MSI2: variants seen among roughly 807,000 people sequenced by gnomAD.
MSI2 encodes musashi RNA binding protein 2.
In MSI2, 17 loss-of-function variants were observed where a neutral mutation model predicts 45.6. The observed-to-expected ratio is 0.37, with a 90% CI of 0.26 to 0.56. The LOEUF (loss-of-function observed/expected upper bound fraction) is 0.56. Among genes scored for constraint, MSI2 ranks in the 20% least tolerant of loss-of-function variants. The pLI, the probability that MSI2 is intolerant of heterozygous loss-of-function variation, is 0.77. For synonymous variants in MSI2, 156 were observed against 158.2 expected (o/e 0.99, Z 0.11); for missense variants, 293 against 444.2 (o/e 0.66, Z 3.06).
At chr17:57,405,883 G>A (rs967296933) in intron 6 of MSI2, among the ~76,000 whole-genome samples, 7 of 152,182 alleles carry the variant, frequency 4.6e-5, no homozygotes, top group Admixed American at 3.3e-4. Flanking sequence ...GAGATGGTTG[G>A]CAGATCTATT....
At chr17:57,395,072 C>T (rs949180441) in intron 5 of MSI2, among the ~76,000 whole-genome samples, 5 of 152,268 alleles carry the variant, frequency 3.3e-5, no homozygotes, top group South Asian at 2.1e-4. Flanking sequence ...GGTGGTTGCC[C>T]GCAATTCTTG....
intron 6 of MSI2, among the ~76,000 whole-genome samples, chr17:57,430,150 G>A (rs1476544860): frequency 6.6e-6 from 1 of 152,150 alleles, no homozygotes; most frequent in East Asian, 1.9e-4. Context: ...GTGACCATGA[G>A]TACTAGTACA....
chr17:57,368,648 T>C (rs1015754976), intron 5 of MSI2, among the ~76,000 whole-genome samples: 4 of 152,188 alleles, frequency 2.6e-5, no homozygotes, highest in Admixed American at 2.6e-4. Context: ...GTGGTCCTCA[T>C]GTTTTAAGAG....
intron 8 of MSI2, among the ~76,000 whole-genome samples, chr17:57,598,865 G>A (rs1415969812): frequency 6.6e-6 from 1 of 152,176 alleles, no homozygotes; most frequent in African/African-American, 2.4e-5. Context: ...GTTTCACCAT[G>A]TTGGCCAGGC....
intron 6 of MSI2, among the ~76,000 whole-genome samples, chr17:57,525,485 G>T (rs1419763212): frequency 6.6e-6 from 1 of 152,112 alleles, no homozygotes; most frequent in Non-Finnish European, 1.5e-5. Flanking sequence ...ATGAGGTCTT[G>T]CTATGTTGCC....
intron 6 of MSI2, among the ~76,000 whole-genome samples, chr17:57,501,144 A>G (rs537723569): frequency 1.5e-4 from 23 of 152,260 alleles, no homozygotes; most frequent in African/African-American, 5.5e-4. Context: ...CTCACCCAAG[A>G]TCGCCGTGTG....
chr17:57,270,314 C>G (rs1232636724), intron 5 of MSI2, among the ~76,000 whole-genome samples: 1 of 152,176 alleles, frequency 6.6e-6, no homozygotes, highest in African/African-American at 2.4e-5. Context: ...AGAGGGCAGA[C>G]AGCTTTCTAG....
rs33915774 is a variant in MSI2, at chr17:57,647,274, CAAAAAAAAAAAA to C, written c.728-4810_728-4799del. ...TGAAATCTCGACTCTACTAAAAATA[CAAAAAAAAAAAA>C]AAAAAAAAAAAAAATAGCCAGGAGT... On this transcript the variant is annotated intron_variant, in intron 10 of 13. Coordinates refer to ENST00000284073, the MANE Select transcript of MSI2 (RefSeq NM_138962.4). 5.3e-4 allele frequency among the ~76,000 whole-genome samples: 20 copies of C among 37,674 alleles called. No homozygotes were observed. The South Asian group carries it at 5.6e-3, about 11-fold the overall frequency. The allele number at this position is 37,674 out of a possible 152,430, so 24.7% of individuals were successfully genotyped here. A position where few individuals can be genotyped will look rare whatever the true frequency, so the allele number is the denominator to read the frequency against.
rs2084105678 is a variant in MSI2, at chr17:57,407,465, T to C, written c.405+5994T>C. 6.6e-6 allele frequency among the ~76,000 whole-genome samples: 1 copy of C among 152,230 alleles called. No individual in the cohort carries two copies. Among genetic ancestry groups the C allele is most frequent in the Non-Finnish European group, 1.5e-5 (1 of 68,038 alleles). On this transcript the variant is annotated intron_variant, in intron 6 of 13. Transcript: ENST00000284073. This position sits in a 1 kb window ranked among gnomAD's most constrained non-coding sequence, Gnocchi z 4.1. Reference sequence around the variant, plus strand: ...ACTGTGATCCTCAGGTAGTGTTTTCTTGCTTTAAATGTGTGTCGTAGATAA... The same window carrying C: ...ACTGTGATCCTCAGGTAGTGTTTTCCTGCTTTAAATGTGTGTCGTAGATAA...
chr17:57,506,443 C>T (rs1168936730), intron 6 of MSI2, among the ~76,000 whole-genome samples: 1 of 152,222 alleles, frequency 6.6e-6, no homozygotes, highest in African/African-American at 2.4e-5. Context: ...TAGCCTCTTT[C>T]ATTTTCCAGA....
chr17:57,573,785 A>G (rs1478206482), intron 7 of MSI2, among the ~76,000 whole-genome samples: 1 of 152,200 alleles, frequency 6.6e-6, no homozygotes, highest in East Asian at 1.9e-4. Flanking sequence ...ATCCCAGCTC[A>G]GCGACTCCCT....
intron 6 of MSI2, among the ~76,000 whole-genome samples, chr17:57,447,756 G>A (rs1158997345): frequency 1.3e-5 from 2 of 152,078 alleles, no homozygotes; most frequent in Admixed American, 1.3e-4. Context: ...CCACCTGCTT[G>A]GCTTCTGGAA....
chr17:57,263,077 G>C (rs1280736631), intron 5 of MSI2, among the ~76,000 whole-genome samples: 1 of 152,214 alleles, frequency 6.6e-6, no homozygotes, highest in African/African-American at 2.4e-5. Context: ...AGTCGGAAAA[G>C]GTTGTGGCTT....
At chr17:57,676,577 T>G (rs1485546753) in intron 12 of MSI2, among the ~76,000 whole-genome samples, 4 of 152,270 alleles carry the variant, frequency 2.6e-5, no homozygotes, top group African/African-American at 9.6e-5. Context: ...GATGTTTTTC[T>G]GAAATAACCA....
At position 57,258,366 on chromosome 17, in the gene MSI2, T is replaced by G; in HGVS notation, c.270+12T>G. 1 of 1,609,072 alleles carries G rather than the reference T, an allele frequency of 6.2e-7. No homozygotes were observed. The highest frequency in any genetic ancestry group is 8.5e-7 in the Non-Finnish European group (1 of 1,175,372). ...TAGATTCCAAGACGGTAGGTTGCTT[T>G]TTGTTGTTGTTGTTCGCCCCTTTTC... On this transcript the variant is annotated intron_variant, in intron 4 of 13. Coordinates refer to ENST00000284073, the MANE Select transcript of MSI2 (RefSeq NM_138962.4).
intron 10 of MSI2, among the ~76,000 whole-genome samples, chr17:57,636,879 A>G (rs1431112312): frequency 6.6e-6 from 1 of 152,192 alleles, no homozygotes; most frequent in Non-Finnish European, 1.5e-5. Context: ...TTGAAATATC[A>G]AGACAGGCTA....
chr17:57,504,572 C>T (rs1158885868), intron 6 of MSI2, among the ~76,000 whole-genome samples: 4 of 152,100 alleles, frequency 2.6e-5, no homozygotes, highest in African/African-American at 9.7e-5. Context: ...TCAGTGATGC[C>T]AGGAAGGTGG....
chr17:57,373,029 A>G (rs1240445048), intron 5 of MSI2, among the ~76,000 whole-genome samples: 1 of 152,160 alleles, frequency 6.6e-6, no homozygotes, highest in Admixed American at 6.5e-5. Flanking sequence ...CAGGTGGATC[A>G]CCTTAGGTCA....
rs561126263 is a variant in MSI2, at chr17:57,616,924, T to C, written c.652+840T>C. On this transcript the variant is annotated intron_variant, in intron 9 of 13. Coordinates refer to ENST00000284073, the MANE Select transcript of MSI2 (RefSeq NM_138962.4). ...GAAAATACTAATTAAGTGGGATAAA[T>C]GGTAGTTAATGGTAAAATTCCATTC... 4.6e-5 allele frequency among the ~76,000 whole-genome samples: 7 copies of C among 152,334 alleles called. No individual in the cohort carries two copies. In the East Asian group the frequency reaches 1.2e-3, roughly 25 times the overall value.
Sources: gnomAD v4.1 joint callset for allele counts (sites outside exome capture counted in the v4.1 genomes callset) on GRCh38, gnomAD v4.1.1 for gene constraint, Gnocchi (gnomAD v3.1) non-coding constraint, MANE v1.5 for transcripts, NCBI Gene and HGNC (gene_info 2026-07-23, HGNC 2026-07-21) for gene names.